KIF5B: variants seen among roughly 807,000 people sequenced by gnomAD.
KIF5B encodes the protein kinesin family member 5B.
Under a neutral mutation model 132.8 loss-of-function variants are expected in KIF5B, and 49 were observed. The observed-to-expected ratio is 0.37, with a 90% CI of 0.29 to 0.47. The LOEUF is 0.47. Among genes scored for constraint, KIF5B ranks in the 20% least tolerant of loss-of-function variants. The pLI is 1.00. For missense variants in KIF5B, 780 were observed against 1,144.0 expected (o/e 0.68, Z 4.59); for synonymous variants, 355 against 369.4 (o/e 0.96, Z 0.45).
chr10:32,046,653 A>G (rs1211578165), intron 2 of KIF5B, among the ~76,000 whole-genome samples: 1 of 152,220 alleles, frequency 6.6e-6, no homozygotes, highest in Non-Finnish European at 1.5e-5. Flanking sequence ...CCTGGCCTCA[A>G]GCAATCCTCC....
intron 1 of KIF5B, among the ~76,000 whole-genome samples, chr10:32,051,846 CTA>C (rs1841698713): frequency 6.6e-6 from 1 of 152,184 alleles, no homozygotes; most frequent in South Asian, 2.1e-4. Flanking sequence ...AGGCATATCT[CTA>C]TTTTTCAAAT....
intron 19 of KIF5B, 66 bp from the exon 20 acceptor site, chr10:32,020,025 A>T (rs1841237116): frequency 9.2e-7 from 1 of 1,081,952 alleles, no homozygotes. Context: ...CATCATTAAA[A>T]TTTCCAAACT....
intron 15 of KIF5B, among the ~76,000 whole-genome samples, chr10:32,024,959 C>G (rs1841315643): frequency 6.6e-6 from 1 of 152,032 alleles, no homozygotes; most frequent in Non-Finnish European, 1.5e-5. Context: ...CGCCTGTGTT[C>G]CCAGCTATTT....
Position 32,022,241 on chromosome 10 carries a change from T to G in KIF5B, c.1931A>C (p.Lys644Thr). The change falls in exon 17 of 26, where the codon AAG becomes ACG. Residue 644 changes from lysine to threonine, a missense_variant. Around this residue, in one of 9 missense-constraint regions of KIF5B, gnomAD observed 471 missense variants for 569.9 expected, o/e 0.83. Coordinates refer to ENST00000302418, the MANE Select transcript of KIF5B (RefSeq NM_004521.3). ...LRISQHEAKI[K>T]SLTEYLQNVE... Reference sequence around the variant, plus strand: ...ATTTTGAAGGTATTCAGTCAATGACTTGATTTTGGCTTCATGCTTTTGGAA... The same window carrying G: ...ATTTTGAAGGTATTCAGTCAATGACGTGATTTTGGCTTCATGCTTTTGGAA... 6.2e-7 allele frequency: 1 copy of G among 1,609,096 alleles called. No homozygotes were observed. The highest frequency in any genetic ancestry group is 8.5e-7 in the Non-Finnish European group (1 of 1,177,072).
chr10:32,040,288 TA>T (rs1426866569), intron 3 of KIF5B, 95 bp downstream of exon 3: 33 of 772,554 alleles, frequency 4.3e-5, no homozygotes, highest in Non-Finnish European at 7.1e-5. Flanking sequence ...CAATAAAGAG[TA>T]AATTAAAATG....
At position 32,011,577 on chromosome 10, in the gene KIF5B, T is replaced by C. The variant is rs537330034; in HGVS notation, c.*21-61A>G. On this transcript the variant is annotated intron_variant, in intron 25 of 25. Coordinates refer to ENST00000302418, the MANE Select transcript of KIF5B (RefSeq NM_004521.3). ...AGTTTTACAAAATTGGTGTTTGAGATAATCATGAAGAATAAAACAAAATAA... is the reference window on the plus strand; with the variant it reads ...AGTTTTACAAAATTGGTGTTTGAGACAATCATGAAGAATAAAACAAAATAA... 1.2e-4 allele frequency: 18 copies of C among 152,320 alleles called. No homozygotes were observed. In the South Asian group the frequency reaches 3.7e-3, roughly 32 times the overall value. 9.4% of individuals were successfully genotyped at this position (152,320 alleles called of 1,614,324 possible). A position where few individuals can be genotyped will look rare whatever the true frequency, so the allele number is the denominator to read the frequency against.
Position 32,010,078 on chromosome 10 carries a change from G to A in KIF5B, c.*1459C>T, listed in dbSNP as rs1295913626. On this transcript the variant is annotated 3_prime_UTR_variant, in exon 26 of 26. Coordinates refer to ENST00000302418, the MANE Select transcript of KIF5B (RefSeq NM_004521.3). ...GGCTCCAAATTTAATACAAATATCTGTGTATAAAACTTTTGCAAAAAGTTA... is the reference window on the plus strand; with the variant it reads ...GGCTCCAAATTTAATACAAATATCTATGTATAAAACTTTTGCAAAAAGTTA... 1 of 152,112 alleles carries A rather than the reference G, an allele frequency of 6.6e-6. No homozygotes were observed. The highest frequency in any genetic ancestry group is 1.5e-5 in the Non-Finnish European group (1 of 68,014). 9.4% of individuals were successfully genotyped at this position (152,112 alleles called of 1,614,324 possible).
Position 32,034,767 on chromosome 10 carries a change from T to C in KIF5B, c.1034A>G (p.Glu345Gly). 1 of 1,611,206 alleles carries C rather than the reference T, an allele frequency of 6.2e-7. No homozygotes were observed. The highest frequency in any genetic ancestry group is 1.7e-4 in the Middle Eastern group (1 of 5,942). Residue 345 changes from glutamate (E) to glycine (G), a missense_variant, in exon 11 of 26, where the codon GAA becomes GGA. Around this residue, in one of 9 missense-constraint regions of KIF5B, gnomAD observed 471 missense variants for 569.9 expected, o/e 0.83. Transcript: ENST00000302418. ...LTAEQWKKKY[E>G]KEKEKNKILR... The stretch of plus-strand genomic sequence containing the variant: ...GATCTTATTTTTTTCTTTTTCTTTT[T>C]CATACTTCTTTTTCCACTGTTCTGC...
At chr10:32,023,274 AAAAT>A (rs1341570009) in intron 15 of KIF5B, among the ~76,000 whole-genome samples, 1 of 152,226 alleles carries the variant, frequency 6.6e-6, no homozygotes. Context: ...GCCAACAAGA[AAAAT>A]AAATAAATGT....
At chr10:32,012,090 T>G (rs1192763116) in intron 25 of KIF5B, among the ~76,000 whole-genome samples, 1 of 152,236 alleles carries the variant, frequency 6.6e-6, no homozygotes, top group Non-Finnish European at 1.5e-5. Context: ...AGACTAGTCA[T>G]GTAAAACTGG....
At chr10:32,048,899 G>A (rs189614602) in intron 1 of KIF5B, among the ~76,000 whole-genome samples, 27 of 151,998 alleles carry the variant, frequency 1.8e-4, no homozygotes, top group East Asian at 5.8e-4. Flanking sequence ...ACAGGGTCTC[G>A]GTTCTGTCAC....
intron 25 of KIF5B, among the ~76,000 whole-genome samples, chr10:32,014,154 T>C (rs1022942510): frequency 6.6e-6 from 1 of 152,184 alleles, no homozygotes; most frequent in Non-Finnish European, 1.5e-5. Flanking sequence ...ATATGACCAA[T>C]TATTAGGCAA....
Position 32,031,165 on chromosome 10 carries a change from C to A in KIF5B, c.1489G>T (p.Glu497Ter). Residue 497 changes from glutamate to a stop codon, truncating the protein, a stop_gained, in exon 14 of 26, where the codon GAA becomes TAA. Transcript: ENST00000302418. LOFTEE classifies it high-confidence loss of function. ...TTCTGATCATAATTGACAGCAAGTTCTTCTAGGGCCTGTAAAACTTCTTTC... is the reference window on the plus strand; with the variant it reads ...TTCTGATCATAATTGACAGCAAGTTATTCTAGGGCCTGTAAAACTTCTTTC... ...EVKEVLQALE[E>*]LAVNYDQKSQ... 1 of 1,613,922 alleles carries A rather than the reference C, an allele frequency of 6.2e-7. No homozygotes were observed. The highest frequency in any genetic ancestry group is 8.5e-7 in the Non-Finnish European group (1 of 1,179,918).
At chr10:32,029,047 G>A (rs1437435866) in intron 14 of KIF5B, among the ~76,000 whole-genome samples, 1 of 152,060 alleles carries the variant, frequency 6.6e-6, no homozygotes, top group African/African-American at 2.4e-5. Flanking sequence ...TATGATACAG[G>A]CAATTATCCA....
chr10:32,030,784 T>C (rs1841393992), intron 14 of KIF5B, among the ~76,000 whole-genome samples: 1 of 152,180 alleles, frequency 6.6e-6, no homozygotes, highest in Admixed American at 6.5e-5. Flanking sequence ...GTAGTAACAT[T>C]AGATTCTACA....
chr10:32,042,313 G>C (rs1490372230), intron 2 of KIF5B, among the ~76,000 whole-genome samples: 1 of 152,156 alleles, frequency 6.6e-6, no homozygotes, highest in Non-Finnish European at 1.5e-5. Flanking sequence ...AAGATTTTAA[G>C]AGACTCCAAA....
In KIF5B at chr10:32,035,929, A is replaced by C. The variant is rs758350303; in HGVS notation, c.777T>G (p.Ser259=). 1.9e-6 allele frequency: 3 copies of C among 1,613,230 alleles called. No homozygotes were observed. In the Admixed American group the frequency reaches 5.0e-5, roughly 27 times the overall value. ...AAGCAGAAATAACATTTCCAAGAGCAGAAAGTGACTTGTTGATGTTTTTAG... is the reference window on the plus strand; with the variant it reads ...AAGCAGAAATAACATTTCCAAGAGCCGAAAGTGACTTGTTGATGTTTTTAG... The part of the protein sequence containing the change: ...DEAKNINKSL[S]ALGNVISALA... The change falls in exon 9 of 26, where the codon TCT becomes TCG. Residue 259 remains serine (S), a synonymous_variant. Coordinates refer to ENST00000302418, the MANE Select transcript of KIF5B (RefSeq NM_004521.3).
chr10:32,018,644 G>C, intron 20 of KIF5B, 82 bp from the exon 21 acceptor site: 1 of 1,010,162 alleles, frequency 9.9e-7, no homozygotes, highest in Non-Finnish European at 1.5e-6. Flanking sequence ...AAAATATTTT[G>C]TGTCTGAAAG....
chr10:32,025,020 T>A (rs1841316409), intron 15 of KIF5B, among the ~76,000 whole-genome samples: 1 of 152,142 alleles, frequency 6.6e-6, no homozygotes, highest in African/African-American at 2.4e-5. Flanking sequence ...GAGGTTATGG[T>A]GGGCCAAAAT....
Sources: gnomAD v4.1 joint callset for allele counts (sites outside exome capture counted in the v4.1 genomes callset) on GRCh38, gnomAD v4.1.1 for gene constraint, gnomAD v4.1.1 regional missense constraint, MANE v1.5 for transcripts, NCBI Gene and HGNC (gene_info 2026-07-23, HGNC 2026-07-21) for gene names.